Variants in TIAM1 observed in about 807,000 individuals in gnomAD.
TIAM1 encodes the protein rho guanine nucleotide exchange factor TIAM1.
In TIAM1, 65 loss-of-function variants were observed where a neutral mutation model predicts 163.5. The ratio of observed to expected loss-of-function variants is 0.40; its 90% CI spans 0.33 to 0.49. The LOEUF is 0.49. Among genes scored for constraint, TIAM1 ranks in the 20% least tolerant of loss-of-function variants. The pLI is 0.77. For missense variants in TIAM1, 1,789 were observed against 2,044.7 expected (o/e 0.87, Z 2.41); for synonymous variants, 833 against 810.1 (o/e 1.03, Z -0.48).
intron 2 of TIAM1, among the ~76,000 whole-genome samples, chr21:31,327,775 A>G (rs934254509): frequency 3.3e-5 from 5 of 152,252 alleles, no homozygotes; most frequent in South Asian, 4.2e-4. Context: ...TGTGTGAGCA[A>G]TAAGAAAGTC....
At chr21:31,243,646 G>T (rs1334607023) in intron 6 of TIAM1, among the ~76,000 whole-genome samples, 1 of 151,980 alleles carries the variant, frequency 6.6e-6, no homozygotes, top group African/African-American at 2.4e-5. Flanking sequence ...AATATTAAAA[G>T]ATACATATCT....
intron 2 of TIAM1, among the ~76,000 whole-genome samples, chr21:31,292,118 T>TA (rs907008711): frequency 5.3e-5 from 8 of 152,202 alleles, no homozygotes; most frequent in African/African-American, 1.9e-4. Context: ...TTAATATCCC[T>TA]ACGAATCACT....
chr21:31,245,660 C>G lies in TIAM1; in HGVS notation c.1412G>C (p.Gly471Ala), dbSNP rs752851029. ...GCTCTCGTAGAAAAATAGCGTGCAT[C>G]CTGAGGAAACAGAACAGGGGTGTGC... is the stretch of plus-strand genomic sequence containing the variant. ...KWKHYWVSLK[G>A]CTLFFYESDG... The change falls in exon 6 of 28, where the codon GGA (glycine) becomes GCA (alanine). Residue 471 changes from glycine (G) to alanine (A), a missense_variant and splice_region_variant. Transcript: ENST00000541036. 8 of 1,569,366 alleles carry G rather than the reference C, an allele frequency of 5.1e-6. No individual in the cohort carries two copies. The highest frequency in any genetic ancestry group is 6.9e-6 in the Non-Finnish European group (8 of 1,158,138).
At chr21:31,448,122 C>T (rs1480604450) in intron 2 of TIAM1, among the ~76,000 whole-genome samples, 1 of 152,128 alleles carries the variant, frequency 6.6e-6, no homozygotes, top group Non-Finnish European at 1.5e-5. Context: ...TCCAAAAACA[C>T]CCTCATAGAA....
intron 1 of TIAM1, among the ~76,000 whole-genome samples, chr21:31,552,751 C>T (rs564358005): frequency 2.7e-4 from 41 of 152,110 alleles, no homozygotes; most frequent in African/African-American, 9.6e-4. Flanking sequence ...GCCTGGGTGA[C>T]AAGAGTAAGA....
chr21:31,405,285 C>T (rs1053219692), intron 2 of TIAM1, among the ~76,000 whole-genome samples: 3 of 152,056 alleles, frequency 2.0e-5, no homozygotes, highest in Admixed American at 1.3e-4. Flanking sequence ...TAACAAAAAA[C>T]TTGCAGGTAC....
At position 31,118,782 on chromosome 21, in the gene TIAM1, A is replaced by G. The variant is rs1260622812; in HGVS notation, c.*1586T>C. 2 of 377,600 alleles carry G rather than the reference A, an allele frequency of 5.3e-6. No homozygotes were observed. The highest frequency in any genetic ancestry group is 5.4e-6 in the Non-Finnish European group (1 of 186,542). The allele number at this position is 377,600 out of a possible 1,614,324, so 23.4% of individuals were successfully genotyped here. A position where few individuals can be genotyped will look rare whatever the true frequency, so the allele number is the denominator to read the frequency against. On this transcript the variant is annotated 3_prime_UTR_variant, in exon 28 of 28. Coordinates refer to ENST00000541036, the MANE Select transcript of TIAM1 (RefSeq NM_001353694.2). ...AGAAGATATAGCAAAAATTTAATAG[A>G]ATAAAACTTTCAAAAGATCAAGCTC...
At chr21:31,203,938 G>A (rs893432465) in intron 11 of TIAM1, among the ~76,000 whole-genome samples, 13 of 152,156 alleles carry the variant, frequency 8.5e-5, no homozygotes, top group African/African-American at 2.9e-4. Context: ...TGAATGACTC[G>A]CTCAAAGAAA....
chr21:31,541,905 G>A (rs1341724138), intron 1 of TIAM1, among the ~76,000 whole-genome samples: 1 of 152,190 alleles, frequency 6.6e-6, no homozygotes, highest in Non-Finnish European at 1.5e-5. Flanking sequence ...GAAGCTAAGT[G>A]CTTGCCCAAC....
In TIAM1 at chr21:31,153,131, A is replaced by G; in HGVS notation, c.3175T>C (p.Leu1059=). Residue 1059 remains leucine, a synonymous_variant, in exon 18 of 28, where the codon TTA becomes CTA. Transcript: ENST00000541036. ...LETERTYVKD[L]NCLMERYLKP... ...AGGTATCTCTCCATAAGACAGTTTAAATCCTAAGAATTGAAAAGAGAACTC... is the reference window on the plus strand; with the variant it reads ...AGGTATCTCTCCATAAGACAGTTTAGATCCTAAGAATTGAAAAGAGAACTC... The G allele has an allele frequency of 6.2e-7, 1 of 1,607,616 alleles. No homozygotes were observed. Among genetic ancestry groups the G allele is most frequent in the Non-Finnish European group, 8.5e-7 (1 of 1,178,244 alleles).
intron 22 of TIAM1, among the ~76,000 whole-genome samples, chr21:31,137,893 A>G (rs1391469235): frequency 6.7e-6 from 1 of 150,062 alleles, no homozygotes; most frequent in Non-Finnish European, 1.5e-5. Context: ...CGAGATAAAT[A>G]TCTGTTGTAG....
intron 4 of TIAM1, among the ~76,000 whole-genome samples, chr21:31,260,784 T>A (rs942317726): frequency 6.0e-5 from 9 of 149,232 alleles, no homozygotes; most frequent in East Asian, 3.9e-4. Context: ...CATGAAAAAA[T>A]TTGTTTTATA....
intron 2 of TIAM1, among the ~76,000 whole-genome samples, chr21:31,449,644 C>G (rs1479956432): frequency 6.6e-6 from 1 of 152,212 alleles, no homozygotes; most frequent in African/African-American, 2.4e-5. Context: ...TCCCAAAGTG[C>G]TGGCATTACA....
chr21:31,501,300 A>T (rs892657325), intron 1 of TIAM1, among the ~76,000 whole-genome samples: 6 of 152,310 alleles, frequency 3.9e-5, no homozygotes, highest in Admixed American at 6.5e-5. Context: ...ACAACGGTGA[A>T]GAACCGGGGT....
chr21:31,356,100 C>T (rs1177425292), intron 2 of TIAM1, among the ~76,000 whole-genome samples: 1 of 152,032 alleles, frequency 6.6e-6, no homozygotes, highest in Non-Finnish European at 1.5e-5. Flanking sequence ...TCAAAACCAC[C>T]CAGGTCTGAG....
chr21:31,532,377 TC>T (rs745558015), intron 1 of TIAM1, among the ~76,000 whole-genome samples: 5 of 152,068 alleles, frequency 3.3e-5, no homozygotes, highest in African/African-American at 7.2e-5. Context: ...AGGCTGAGCC[TC>T]CCCCTCCGAT....
At chr21:31,487,292 A>G (rs1208957806) in intron 1 of TIAM1, among the ~76,000 whole-genome samples, 2 of 152,232 alleles carry the variant, frequency 1.3e-5, no homozygotes, top group African/African-American at 2.4e-5. Flanking sequence ...CAAAAGCTCA[A>G]TACTGCCACG....
intron 26 of TIAM1, 143 bp downstream of exon 26, chr21:31,126,922 C>T (rs980321214): frequency 1.2e-5 from 9 of 738,620 alleles, no homozygotes; most frequent in Non-Finnish European, 1.8e-5. Context: ...GTCAGCTCCT[C>T]CCAGCTGACT....
rs554714743 is a variant in TIAM1, at chr21:31,198,764, C to A, written c.2494-3459G>T. On this transcript the variant is annotated intron_variant, in intron 12 of 27. Coordinates refer to ENST00000541036, the MANE Select transcript of TIAM1 (RefSeq NM_001353694.2). ...TTGTGCATAATCTTTCCTATATTTTCATAATACTACTTCCTAGTTTTCTTT... is the reference window on the plus strand; with the variant it reads ...TTGTGCATAATCTTTCCTATATTTTAATAATACTACTTCCTAGTTTTCTTT... Among the ~76,000 whole-genome samples the A allele has an allele frequency of 3.5e-4, 54 of 152,296 alleles. 1 individual carries two copies. The highest frequency in any genetic ancestry group is 8.3e-4 in the South Asian group (4 of 4,822).
Sources: gnomAD v4.1 joint callset for allele counts (sites outside exome capture counted in the v4.1 genomes callset) on GRCh38, gnomAD v4.1.1 for gene constraint, MANE v1.5 for transcripts, NCBI Gene and HGNC (gene_info 2026-07-23, HGNC 2026-07-21) for gene names.